Variants in PPEF1 observed in about 807,000 individuals in gnomAD.
PPEF1 encodes protein phosphatase with EF-hand domain 1, also known as serine/threonine-protein phosphatase with EF-hands 1.
In PPEF1, 12 loss-of-function variants were observed where a neutral mutation model predicts 53.3. The observed-to-expected ratio is 0.23, with a 90% confidence interval of 0.14 to 0.36. The LOEUF (loss-of-function observed/expected upper bound fraction) is 0.36, where lower values mean the gene tolerates loss of function less well. PPEF1 is among the 10% of genes least tolerant of loss of function. PPEF1 has a pLI of 1.00. For missense variants in PPEF1, 334 were observed against 490.4 expected (o/e 0.68, Z 3.01); for synonymous variants, 165 against 176.7 (o/e 0.93, Z 0.52).
chrX:18,825,877 G>C, intron 15 of PPEF1, 42 bp downstream of exon 15: 1 of 951,539 alleles, frequency 1.1e-6, no homozygotes, highest in Non-Finnish European at 1.5e-6. Flanking sequence ...AAAAGTGTAT[G>C]TGTGTGTGTA....
At chrX:18,761,708 C>A in intron 6 of PPEF1, 132 bp downstream of exon 6, 1 of 415,282 alleles carries the variant, frequency 2.4e-6, no homozygotes, top group African/African-American at 2.5e-5. Flanking sequence ...CCAGGAGGCT[C>A]AAAGATTTGT....
intron 10 of PPEF1, among the ~76,000 whole-genome samples, chrX:18,796,802 G>A (rs1001739258): frequency 8.9e-6 from 1 of 111,972 alleles, no homozygotes; most frequent in Non-Finnish European, 1.9e-5. Context: ...CTCATAGCAA[G>A]TAGGAAAGGA....
intron 1 of PPEF1, among the ~76,000 whole-genome samples, chrX:18,724,099 T>C (rs1226678672): frequency 5.4e-5 from 6 of 111,841 alleles, no homozygotes. Flanking sequence ...CGTCTCATTT[T>C]TTATGGCTGA....
rs764844973 is a variant in PPEF1 at position 18,817,946 on chromosome X, A to G, written c.1395-93A>G. The G allele has an allele frequency of 1.0e-4, 68 of 649,997 alleles. 1 individual carries two copies. In the South Asian group the frequency reaches 2.2e-3, roughly 21 times the overall value. The allele number at this position is 649,997 out of a possible 1,213,427, so 53.6% of individuals were successfully genotyped here. ...GTGAGAATCTGGGCAATTCATTTAA[A>G]GTAAAAATTCATAAATAGTAATATT... On this transcript the variant is annotated intron_variant, in intron 12 of 15. Transcript: ENST00000470157.
intron 11 of PPEF1, 81 bp from the exon 12 acceptor site, chrX:18,806,318 TAAGA>T: frequency 2.0e-6 from 2 of 1,016,027 alleles, no homozygotes; most frequent in Admixed American, 2.8e-5. Context: ...TTTTGCTTTT[TAAGA>T]ATTGAGCTAT....
At chrX:18,772,100 G>A (rs1042448373) in intron 6 of PPEF1, among the ~76,000 whole-genome samples, 11 of 111,780 alleles carry the variant, frequency 9.8e-5, no homozygotes, top group Non-Finnish European at 1.7e-4. Context: ...AGTGAGCCGA[G>A]ATTGCATCAC....
upstream of PPEF1, among the ~76,000 whole-genome samples, chrX:18,678,943 T>C (rs1928777627): frequency 9.0e-6 from 1 of 111,343 alleles, no homozygotes; most frequent in African/African-American, 3.3e-5. Flanking sequence ...AGTGTGTATC[T>C]CTAGTCTAGA....
At chrX:18,689,102 A>T (rs1929220870) in intron 3 of PPEF1, among the ~76,000 whole-genome samples, 1 of 110,999 alleles carries the variant, frequency 9.0e-6, no homozygotes, top group Non-Finnish European at 1.9e-5. Context: ...GCTTCTCGTC[A>T]TGGCCTGAAG....
At chrX:18,781,229 T>C (rs1416048081) in intron 7 of PPEF1, among the ~76,000 whole-genome samples, 2 of 110,185 alleles carry the variant, frequency 1.8e-5, no homozygotes, top group Non-Finnish European at 3.8e-5. Flanking sequence ...TGAGGTACTA[T>C]TGAGTAGGCA....
chrX:18,804,053 G>A lies in PPEF1; in HGVS notation c.1227G>A (p.Gly409=), dbSNP rs1308333445. ...LIRSHECKPE[G]YEICHDGKVV... is the part of the protein sequence containing the mutation. Reference sequence around the variant, plus strand: ...GGTCTCATGAATGTAAGCCCGAAGGGTATGAAATCTGTCATGATGGGAAGG... The same window carrying A: ...GGTCTCATGAATGTAAGCCCGAAGGATATGAAATCTGTCATGATGGGAAGG... The change falls in exon 11 of 16, where the codon GGG becomes GGA. Residue 409 remains glycine, a synonymous_variant. Coordinates refer to ENST00000470157, the MANE Select transcript of PPEF1 (RefSeq NM_001377996.1). 1 of 1,200,909 alleles carries A rather than the reference G, an allele frequency of 8.3e-7. No individual in the cohort carries two copies. Among genetic ancestry groups the A allele is most frequent in the South Asian group, 1.8e-5 (1 of 55,366 alleles).
chrX:18,707,074 G>A (rs1034662750), upstream of PPEF1, among the ~76,000 whole-genome samples: 9 of 109,745 alleles, frequency 8.2e-5, no homozygotes, highest in Admixed American at 2.9e-4. Flanking sequence ...TAATCCGCCC[G>A]CCTCGGCCTC....
chrX:18,806,272 T>C, intron 11 of PPEF1, 131 bp from the exon 12 acceptor site: 2 of 691,558 alleles, frequency 2.9e-6, no homozygotes, highest in Non-Finnish European at 4.3e-6. Context: ...CACATCAGAC[T>C]GTGATGATTT....
At chrX:18,804,700 T>C (rs919569871) in intron 11 of PPEF1, among the ~76,000 whole-genome samples, 1 of 112,338 alleles carries the variant, frequency 8.9e-6, no homozygotes, top group Non-Finnish European at 1.9e-5. Flanking sequence ...GGGTTGAGAA[T>C]GTCCTTTTCC....
chrX:18,801,970 C>T (rs1426485136), intron 10 of PPEF1, among the ~76,000 whole-genome samples: 3 of 98,369 alleles, frequency 3.0e-5, no homozygotes, highest in Non-Finnish European at 6.0e-5. Context: ...GGTGACAGAG[C>T]GAGACTCCAT....
At chrX:18,754,052 T>TAA (rs11334908) in intron 4 of PPEF1, among the ~76,000 whole-genome samples, 2 of 96,190 alleles carry the variant, frequency 2.1e-5, no homozygotes, top group African/African-American at 3.8e-5. Flanking sequence ...AGGAGCGATT[T>TAA]AAAAAAAAAA....
intron 5 of PPEF1, among the ~76,000 whole-genome samples, 173 bp from the exon 6 acceptor site, chrX:18,761,357 G>C (rs1013751920): frequency 5.4e-5 from 6 of 111,912 alleles, no homozygotes; most frequent in South Asian, 7.5e-4. Flanking sequence ...CCCCACTATA[G>C]GAGAGGAAGA....
At chrX:18,675,209 CT>C (rs1468578510), upstream of PPEF1, among the ~76,000 whole-genome samples, 1 of 113,312 alleles carries the variant, frequency 8.8e-6, no homozygotes, top group African/African-American at 3.2e-5. Flanking sequence ...CACCTCCCTG[CT>C]ATCATCTGTC....
chrX:18,743,977 G>A (rs988382881), intron 3 of PPEF1, among the ~76,000 whole-genome samples: 8 of 110,287 alleles, frequency 7.3e-5, no homozygotes, highest in African/African-American at 2.6e-4. Flanking sequence ...CAACCTCCCC[G>A]CTGCCCAGGT....
chrX:18,803,309 G>A (rs1384879792), intron 10 of PPEF1, among the ~76,000 whole-genome samples: 1 of 112,975 alleles, frequency 8.9e-6, no homozygotes, highest in African/African-American at 3.2e-5. Flanking sequence ...TTTCCGCCCT[G>A]GGCAGGCCAG....
Sources: allele counts gnomAD v4.1 joint callset (sites outside exome capture counted in the v4.1 genomes callset), GRCh38; gene constraint gnomAD v4.1.1; transcripts MANE v1.5; gene names NCBI Gene and HGNC (gene_info 2026-07-23, HGNC 2026-07-21).